PTPRM: variants seen among roughly 807,000 people sequenced by gnomAD.
PTPRM encodes receptor-type tyrosine-protein phosphatase mu.
In PTPRM, 47 loss-of-function variants were observed where a neutral mutation model predicts 186.7. The ratio of observed to expected loss-of-function variants is 0.25; its 90% confidence interval spans 0.20 to 0.32. The LOEUF (loss-of-function observed/expected upper bound fraction) is 0.32, where lower values mean the gene tolerates loss of function less well. Ranked by LOEUF, PTPRM falls within the 10% of genes least tolerant of loss-of-function variation. The pLI is 1.00. For missense variants in PTPRM, 1,494 were observed against 1,865.0 expected (o/e 0.80, Z 3.66); for synonymous variants, 668 against 674.9 (o/e 0.99, Z 0.16).
At chr18:8,381,948 T>C (rs1286256383) in intron 29 of PTPRM, among the ~76,000 whole-genome samples, 3 of 152,210 alleles carry the variant, frequency 2.0e-5, no homozygotes, top group Non-Finnish European at 4.4e-5. Context: ...AAAAACTGCA[T>C]TGGAATTCTA....
chr18:7,650,647 T>A (rs990530463), intron 1 of PTPRM, among the ~76,000 whole-genome samples: 2 of 152,104 alleles, frequency 1.3e-5, no homozygotes, highest in African/African-American at 4.8e-5. Flanking sequence ...AAGACTCTTA[T>A]AGGCACTATC....
rs529808018 is a variant in PTPRM at position 7,678,328 on chromosome 18, C to T, written c.74-95821C>T. Among the ~76,000 whole-genome samples the T allele has an allele frequency of 3.9e-5, 6 of 152,276 alleles. No homozygotes were observed. In the South Asian group the frequency reaches 1.2e-3, roughly 32 times the overall value. On this transcript the variant is annotated intron_variant, in intron 1 of 32. Transcript: ENST00000580170. ...TATTTCTCCAGCTAATGTTTCAAAG[C>T]ACCCTCTTCCATTCTTAAAAGTTTC...
chr18:8,148,025 G>A (rs1004511748), intron 14 of PTPRM, among the ~76,000 whole-genome samples: 8 of 152,210 alleles, frequency 5.3e-5, no homozygotes, highest in African/African-American at 1.9e-4. Flanking sequence ...GCTTTTTAAT[G>A]TGTTGCTGGA....
At chr18:8,189,353 G>A (rs758030610) in intron 14 of PTPRM, among the ~76,000 whole-genome samples, 5 of 151,500 alleles carry the variant, frequency 3.3e-5, no homozygotes, top group Admixed American at 1.3e-4. Context: ...TGTTTTTGGA[G>A]AGATCAGCTC....
intron 1 of PTPRM, among the ~76,000 whole-genome samples, chr18:7,699,292 T>C (rs539212076): frequency 3.3e-5 from 5 of 152,246 alleles, no homozygotes; most frequent in Non-Finnish European, 7.3e-5. Flanking sequence ...TTTCTTTATG[T>C]TCTGGAAATA....
intron 19 of PTPRM, among the ~76,000 whole-genome samples, chr18:8,282,980 T>A (rs1311586832): frequency 6.6e-6 from 1 of 152,188 alleles, no homozygotes; most frequent in Non-Finnish European, 1.5e-5. Flanking sequence ...AAGAAGCCAG[T>A]ACTTGATGAT....
chr18:7,935,841 C>A lies in PTPRM; in HGVS notation c.663+9158C>A, dbSNP rs531612040. Among the ~76,000 whole-genome samples the A allele has an allele frequency of 1.2e-4, 19 of 152,208 alleles. No individual in the cohort carries two copies. The South Asian group carries it at 3.9e-3, about 32-fold the overall frequency. On this transcript the variant is annotated intron_variant, in intron 5 of 32. Transcript: ENST00000580170. The stretch of plus-strand genomic sequence containing the variant: ...CTCCCACCCTCCACCCTAAAGTAGA[C>A]CCTGTGTCTGAAATTGGGCTTTTAA...
chr18:7,873,982 G>A (rs939003441), intron 2 of PTPRM, among the ~76,000 whole-genome samples: 4 of 150,710 alleles, frequency 2.7e-5, no homozygotes, highest in African/African-American at 4.9e-5. Flanking sequence ...AGCAGGTGTC[G>A]AAAGTGTAAA....
chr18:7,800,407 C>T (rs1443578571), intron 2 of PTPRM, among the ~76,000 whole-genome samples: 1 of 152,178 alleles, frequency 6.6e-6, no homozygotes, highest in Non-Finnish European at 1.5e-5. Flanking sequence ...CAATGGTAAG[C>T]TCTTACTACT....
At chr18:8,296,516 G>T in intron 20 of PTPRM, 61 bp downstream of exon 20, 1 of 1,253,786 alleles carries the variant, frequency 8.0e-7, no homozygotes, top group South Asian at 1.2e-5. Flanking sequence ...TAGTAAGATT[G>T]ACCACCAGGC....
intron 19 of PTPRM, among the ~76,000 whole-genome samples, chr18:8,265,965 A>G (rs984498119): frequency 1.9e-4 from 29 of 152,022 alleles, no homozygotes; most frequent in African/African-American, 6.5e-4. Flanking sequence ...CTGTGTGGGG[A>G]CATGGCCATC....
chr18:8,170,057 G>C (rs1470934507), intron 14 of PTPRM, among the ~76,000 whole-genome samples: 1 of 152,108 alleles, frequency 6.6e-6, no homozygotes. Flanking sequence ...TGCTTCTGTT[G>C]GGTGAGGGGA....
intron 7 of PTPRM, among the ~76,000 whole-genome samples, chr18:8,004,859 A>G (rs1408553644): frequency 6.6e-6 from 1 of 152,022 alleles, no homozygotes; most frequent in Non-Finnish European, 1.5e-5. Context: ...TGAAAATTTG[A>G]TTTCTTTTTT....
chr18:8,240,634 A>AGG (rs1568583459), intron 14 of PTPRM, among the ~76,000 whole-genome samples: 1 of 46,872 alleles, frequency 2.1e-5, no homozygotes, highest in African/African-American at 1.0e-4. Flanking sequence ...AGAGAGAGAG[A>AGG]GAGAGAGAGA....
At chr18:7,696,673 T>C (rs2144679931) in intron 1 of PTPRM, among the ~76,000 whole-genome samples, 1 of 152,368 alleles carries the variant, frequency 6.6e-6, no homozygotes, top group East Asian at 1.9e-4. Context: ...TGTGGACAAC[T>C]TCAGTTCATC....
At chr18:8,000,156 C>T (rs1009950561) in intron 7 of PTPRM, among the ~76,000 whole-genome samples, 3 of 152,188 alleles carry the variant, frequency 2.0e-5, no homozygotes, top group African/African-American at 7.2e-5. Context: ...GTGTTAAACT[C>T]ACCCAGAAAC....
chr18:7,899,463 C>A (rs1406692759), intron 3 of PTPRM, among the ~76,000 whole-genome samples: 1 of 151,984 alleles, frequency 6.6e-6, no homozygotes, highest in East Asian at 1.9e-4. Flanking sequence ...TTCTGTCAAG[C>A]CAAGTCAAAA....
At chr18:8,291,597 C>T (rs1440041674) in intron 19 of PTPRM, among the ~76,000 whole-genome samples, 4 of 152,046 alleles carry the variant, frequency 2.6e-5, no homozygotes, top group Admixed American at 2.0e-4. Context: ...TAACTTTTGA[C>T]CTCTTAAAGA....
intron 1 of PTPRM, among the ~76,000 whole-genome samples, chr18:7,592,810 G>A (rs2037161444): frequency 6.6e-6 from 1 of 152,220 alleles, no homozygotes; most frequent in Non-Finnish European, 1.5e-5. Context: ...GTGTGTGTGT[G>A]CACATTCAAG....
Sources: gnomAD v4.1 joint callset for allele counts (sites outside exome capture counted in the v4.1 genomes callset) on GRCh38, gnomAD v4.1.1 for gene constraint, MANE v1.5 for transcripts, NCBI Gene and HGNC (gene_info 2026-07-23, HGNC 2026-07-21) for gene names.